GNA14: variants seen among roughly 807,000 people sequenced by gnomAD.
GNA14 encodes G protein subunit alpha 14.
In GNA14, 50 loss-of-function variants were observed where a neutral mutation model predicts 42.0. The ratio of observed to expected loss-of-function variants is 1.19; its 90% CI spans 0.95 to 1.51. GNA14 has a LOEUF of 1.51. Ranked by LOEUF, GNA14 falls within the 40% of genes most tolerant of loss-of-function variation. The pLI, the probability that GNA14 is intolerant of heterozygous loss-of-function variation, is 0.00. For missense variants in GNA14, 473 were observed against 446.2 expected (o/e 1.06, Z -0.54); for synonymous variants, 173 against 163.1 (o/e 1.06, Z -0.46).
chr9:77,542,223 A>T (rs73460057), intron 1 of GNA14, among the ~76,000 whole-genome samples: 2,000 of 152,034 alleles, frequency 0.013, 64 homozygotes, highest in African/African-American at 0.045. Context: ...CTTTTTTGTG[A>T]CGAGATATAT....
chr9:77,637,461 C>T (rs1346772876), intron 1 of GNA14, among the ~76,000 whole-genome samples: 1 of 152,182 alleles, frequency 6.6e-6, no homozygotes, highest in Non-Finnish European at 1.5e-5. Flanking sequence ...TTAAATTTTG[C>T]ACAATTCAAA....
At chr9:77,519,756 G>C (rs1422812297) in intron 2 of GNA14, among the ~76,000 whole-genome samples, 1 of 152,024 alleles carries the variant, frequency 6.6e-6, no homozygotes, top group Non-Finnish European at 1.5e-5. Context: ...CACACCTGTA[G>C]TCCCAGCACT....
intron 5 of GNA14, among the ~76,000 whole-genome samples, chr9:77,427,613 G>A (rs971835758): frequency 6.6e-6 from 1 of 152,258 alleles, no homozygotes; most frequent in Admixed American, 6.5e-5. Context: ...ATGACGAGGA[G>A]GACATGAGTG....
chr9:77,596,376 A>G (rs1248104640), intron 1 of GNA14, among the ~76,000 whole-genome samples: 3 of 152,176 alleles, frequency 2.0e-5, no homozygotes, highest in African/African-American at 7.2e-5. Context: ...TGCATATAAC[A>G]TTGTATTGCA....
intron 1 of GNA14, among the ~76,000 whole-genome samples, chr9:77,529,992 T>C (rs1837504515): frequency 6.6e-6 from 1 of 152,208 alleles, no homozygotes; most frequent in African/African-American, 2.4e-5. Context: ...TTTGCTAATA[T>C]TTTCTTTGAT....
intron 6 of GNA14, among the ~76,000 whole-genome samples, 153 bp downstream of exon 6, chr9:77,425,409 G>A (rs961354945): frequency 2.4e-4 from 37 of 152,134 alleles, no homozygotes; most frequent in Non-Finnish European, 7.4e-5. Context: ...CAACAATGGT[G>A]CAACTAGAGC....
At chr9:77,522,287 C>T (rs1462162237) in intron 2 of GNA14, among the ~76,000 whole-genome samples, 4 of 152,136 alleles carry the variant, frequency 2.6e-5, no homozygotes, top group Non-Finnish European at 5.9e-5. Context: ...TGAGAGAATG[C>T]GCTGCAGCTT....
At chr9:77,500,313 C>T (rs145542488) in intron 2 of GNA14, among the ~76,000 whole-genome samples, 174 of 152,180 alleles carry the variant, frequency 1.1e-3, no homozygotes, top group Non-Finnish European at 2.0e-3. Flanking sequence ...CCACTGTGCC[C>T]GGCCAATAAG....
At chr9:77,529,913 G>T (rs1463262509) in intron 1 of GNA14, among the ~76,000 whole-genome samples, 4 of 152,184 alleles carry the variant, frequency 2.6e-5, no homozygotes, top group Non-Finnish European at 5.9e-5. Context: ...ATATTAGATT[G>T]AGAGTTTATT....
chr9:77,509,753 G>A lies in GNA14; in HGVS notation c.309+19316C>T, dbSNP rs73458082. ...TGTATAGGTTGGTGAGAAAGTAATC[G>A]CGGTTTTTGTCATTGAAAGTAATGA... On this transcript the variant is annotated intron_variant, in intron 2 of 6. Coordinates refer to ENST00000341700, the MANE Select transcript of GNA14 (RefSeq NM_004297.4). 1.8e-3 allele frequency among the ~76,000 whole-genome samples: 281 copies of A among 152,056 alleles called. 2 individuals are homozygous for A. The highest frequency in any genetic ancestry group is 6.5e-3 in the African/African-American group (268 of 41,464).
chr9:77,605,091 C>A (rs2117927660), intron 1 of GNA14, among the ~76,000 whole-genome samples: 1 of 152,310 alleles, frequency 6.6e-6, no homozygotes, highest in Non-Finnish European at 1.5e-5. Context: ...ATTTAACCCT[C>A]TAAAAAGTAT....
At chr9:77,439,463 C>A (rs1835690448) in intron 2 of GNA14, among the ~76,000 whole-genome samples, 8 of 152,070 alleles carry the variant, frequency 5.3e-5, no homozygotes, top group Admixed American at 5.2e-4. Context: ...CATGGTGAGA[C>A]CCCATCTCTA....
chr9:77,610,205 C>T (rs901837870), intron 1 of GNA14, among the ~76,000 whole-genome samples: 1 of 152,074 alleles, frequency 6.6e-6, no homozygotes, highest in Non-Finnish European at 1.5e-5. Flanking sequence ...ATCATGTATT[C>T]TTCCTCTAAA....
chr9:77,427,415 C>T (rs933878420), intron 5 of GNA14, among the ~76,000 whole-genome samples: 2 of 151,936 alleles, frequency 1.3e-5, no homozygotes, highest in Non-Finnish European at 2.9e-5. Flanking sequence ...TGGGTTAATC[C>T]TCCACTAATT....
intron 2 of GNA14, among the ~76,000 whole-genome samples, chr9:77,509,177 AC>A (rs1564035999): frequency 6.6e-6 from 1 of 152,142 alleles, no homozygotes; most frequent in African/African-American, 2.4e-5. Context: ...TACACTAGGT[AC>A]CTCATATAAG....
intron 2 of GNA14, among the ~76,000 whole-genome samples, chr9:77,518,545 C>T (rs1837298604): frequency 6.6e-6 from 1 of 152,122 alleles, no homozygotes; most frequent in Admixed American, 6.6e-5. Context: ...TGCCATCTTT[C>T]AACCACTTCT....
intron 2 of GNA14, among the ~76,000 whole-genome samples, chr9:77,495,912 A>T (rs1476449650): frequency 6.6e-6 from 1 of 152,188 alleles, no homozygotes; most frequent in Non-Finnish European, 1.5e-5. Flanking sequence ...ATGTTCCTTA[A>T]TTGGTCGGCT....
At chr9:77,464,343 GTGTGTA>G (rs1221401563) in intron 2 of GNA14, among the ~76,000 whole-genome samples, 2 of 121,854 alleles carry the variant, frequency 1.6e-5, no homozygotes, top group African/African-American at 7.2e-5. Flanking sequence ...GTGTGTGTGT[GTGTGTA>G]TATGTGTGTG....
intron 2 of GNA14, among the ~76,000 whole-genome samples, chr9:77,509,713 C>T (rs1285346828): frequency 6.6e-6 from 1 of 152,144 alleles, no homozygotes; most frequent in Non-Finnish European, 1.5e-5. Context: ...TTATTAATCA[C>T]AAGACAAAGA....
Sources: gnomAD v4.1 joint callset for allele counts (sites outside exome capture counted in the v4.1 genomes callset) on GRCh38, gnomAD v4.1.1 for gene constraint, MANE v1.5 for transcripts, NCBI Gene and HGNC (gene_info 2026-07-23, HGNC 2026-07-21) for gene names.